The following SPAG1 variants were observed in gnomAD, a reference collection of about 807,000 sequenced individuals.
SPAG1 encodes the protein sperm associated antigen 1, also known as sperm-associated antigen 1.
SPAG1 carries 69 observed loss-of-function variants against 100.5 expected under a neutral mutation model. The ratio of observed to expected loss-of-function variants is 0.69; its 90% confidence interval spans 0.57 to 0.84. The LOEUF is 0.84. Among genes scored for constraint, SPAG1 ranks in the 40% least tolerant of loss-of-function variants. The probability of loss-of-function intolerance (pLI) is 0.00; values close to 1 mark genes in which losing one functional copy is unlikely to be tolerated. For missense variants in SPAG1, 955 were observed against 1,133.1 expected (o/e 0.84, Z 2.26); for synonymous variants, 336 against 411.6 (o/e 0.82, Z 2.22).
In SPAG1 at chr8:100,240,718, C is replaced by T. The variant is rs1290041152; in HGVS notation, c.2596C>T (p.Pro866Ser). 3.1e-6 allele frequency: 5 copies of T among 1,613,172 alleles called. No individual in the cohort carries two copies. The Admixed American group carries it at 8.3e-5, about 27-fold the overall frequency. The change falls in exon 18 of 19, where the codon CCC becomes TCC. Residue 866 changes from proline to serine, a missense_variant. Transcript: ENST00000388798. ...GAAAAATAATCTTATTGAAAAAGATCCCTCATTGGTGTATCAGCATCTTTT... is the reference window on the plus strand; with the variant it reads ...GAAAAATAATCTTATTGAAAAAGATTCCTCATTGGTGTATCAGCATCTTTT... ...SLKNNLIEKD[P>S]SLVYQHLLYL...
chr8:100,186,791 G>A lies in SPAG1; in HGVS notation c.702-329G>A, dbSNP rs1402805311. Among the ~76,000 whole-genome samples the A allele has an allele frequency of 3.3e-5, 5 of 152,138 alleles. No homozygotes were observed. In the East Asian group the frequency reaches 9.6e-4, roughly 29 times the overall value. On this transcript the variant is annotated intron_variant, in intron 7 of 18. Coordinates refer to ENST00000388798, the MANE Select transcript of SPAG1 (RefSeq NM_003114.5). ...TTTTCAAGGCCTCTCTCCTTGGCTT[G>A]TAGGTGGCCGTCTTCTCCCAGTGAC...
At position 100,240,513 on chromosome 8, in the gene SPAG1, A is replaced by G. The variant is rs1586569827; in HGVS notation, c.2391A>G (p.Lys797=). The change falls in exon 18 of 19, where the codon AAA becomes AAG. Residue 797 remains lysine (K), a synonymous_variant. Transcript: ENST00000388798. ...KSSRSPEDPE[K]LPIAKPNNAY... ...GCAGGTCACCAGAAGACCCTGAGAA[A>G]CTTCCGATAGCCAAGCCTAATAATG... The G allele has an allele frequency of 6.2e-7, 1 of 1,614,144 alleles. No individual in the cohort carries two copies. The highest frequency in any genetic ancestry group is 1.1e-5 in the South Asian group (1 of 91,082).
At chr8:100,203,604 T>C (rs1817381747) in intron 10 of SPAG1, among the ~76,000 whole-genome samples, 1 of 152,202 alleles carries the variant, frequency 6.6e-6, no homozygotes, top group African/African-American at 2.4e-5. Context: ...TCATCACTCA[T>C]GAGAGGCAAG....
intron 10 of SPAG1, among the ~76,000 whole-genome samples, chr8:100,212,123 A>T (rs1346101130): frequency 6.6e-6 from 1 of 152,238 alleles, no homozygotes; most frequent in Non-Finnish European, 1.5e-5. Flanking sequence ...TGCTGTATAG[A>T]AAACAGTATT....
At chr8:100,172,182 T>A (rs1815889027) in intron 3 of SPAG1, among the ~76,000 whole-genome samples, 1 of 152,228 alleles carries the variant, frequency 6.6e-6, no homozygotes, top group Non-Finnish European at 1.5e-5. Context: ...TGTTTTTTAT[T>A]TTTTTAAATT....
rs904572682 is a variant in SPAG1 at position 100,177,422 on chromosome 8, CT to C, written c.301-383del. Among the ~76,000 whole-genome samples the C allele has an allele frequency of 7.2e-3, 1,041 of 145,578 alleles. 11 individuals carry two copies. The highest frequency in any genetic ancestry group is 0.023 in the African/African-American group (936 of 40,002). ...ATGATTTAATACTGCATCTTCATGTCTTTTTTTTTTTACATTTCTCTTTACT... is the reference window on the plus strand; with the variant it reads ...ATGATTTAATACTGCATCTTCATGTCTTTTTTTTTTACATTTCTCTTTACT... On this transcript the variant is annotated intron_variant, in intron 3 of 18. Coordinates refer to ENST00000388798, the MANE Select transcript of SPAG1 (RefSeq NM_003114.5).
chr8:100,196,368 G>A lies in SPAG1; in HGVS notation c.1096+2100G>A, dbSNP rs902902739. ...CATATGAGAGTTCTAGATGCTTCTC[G>A]TCCTTGCCAGCATTTGGTATTGATT... On this transcript the variant is annotated intron_variant, in intron 10 of 18. Transcript: ENST00000388798. Among the ~76,000 whole-genome samples the A allele has an allele frequency of 2.6e-5, 4 of 152,072 alleles. No individual in the cohort carries two copies. In the South Asian group the frequency reaches 6.2e-4, roughly 24 times the overall value.
Position 100,241,003 on chromosome 8 carries a change from A to T in SPAG1, c.2762A>T (p.Lys921Ile), listed in dbSNP as rs1229941989. ...HFTLEDIQAL[K>I]RQYEL The stretch of plus-strand genomic sequence containing the variant: ...ACTTTAGAAGATATACAGGCCCTAA[A>T]AAGGCAGTATGAGCTTTAAATCAAG... Residue 921 changes from lysine (K) to isoleucine (I), a missense_variant, in exon 19 of 19, where the codon AAA becomes ATA. Coordinates refer to ENST00000388798, the MANE Select transcript of SPAG1 (RefSeq NM_003114.5). The surrounding 1 kb of genome is among the most constrained non-coding windows in gnomAD (Gnocchi z 5.1). The T allele has an allele frequency of 6.2e-7, 1 of 1,612,846 alleles. No homozygotes were observed. The highest frequency in any genetic ancestry group is 8.5e-7 in the Non-Finnish European group (1 of 1,179,538).
At chr8:100,198,586 T>C (rs1043720683) in intron 10 of SPAG1, among the ~76,000 whole-genome samples, 3 of 152,056 alleles carry the variant, frequency 2.0e-5, no homozygotes, top group East Asian at 1.9e-4. Context: ...ATAGAAAAAA[T>C]AGTACCCTTT....
intron 16 of SPAG1, among the ~76,000 whole-genome samples, chr8:100,236,412 A>G (rs1284041202): frequency 6.6e-6 from 1 of 152,196 alleles, no homozygotes; most frequent in African/African-American, 2.4e-5. Context: ...TCAAAATGCT[A>G]GGATTACAGA....
intron 3 of SPAG1, among the ~76,000 whole-genome samples, chr8:100,174,806 T>G (rs1402006059): frequency 1.3e-5 from 2 of 152,192 alleles, no homozygotes; most frequent in Non-Finnish European, 2.9e-5. Context: ...TGTTAGCACT[T>G]GAATTTCTCC....
At chr8:100,203,193 G>C (rs1817362787) in intron 10 of SPAG1, among the ~76,000 whole-genome samples, 1 of 152,138 alleles carries the variant, frequency 6.6e-6, no homozygotes, top group African/African-American at 2.4e-5. Flanking sequence ...CTCCCGTGCT[G>C]GGTGCTTCCT....
chr8:100,168,283 C>A (rs891277702), intron 3 of SPAG1, among the ~76,000 whole-genome samples: 1 of 152,100 alleles, frequency 6.6e-6, no homozygotes, highest in Non-Finnish European at 1.5e-5. Context: ...TTTTAATTTG[C>A]GTATCTCTAG....
chr8:100,174,311 GA>G (rs376185828), intron 3 of SPAG1, among the ~76,000 whole-genome samples: 63 of 152,292 alleles, frequency 4.1e-4, no homozygotes, highest in African/African-American at 1.5e-3. Context: ...ATAAGGAAGA[GA>G]ATATATATTT....
Position 100,214,988 on chromosome 8 carries a change from CATATATATATATATATATATATATAT to C in SPAG1, c.1535+1107_1535+1132del, listed in dbSNP as rs71274967. Among the ~76,000 whole-genome samples, 238 of 68,856 alleles carry C rather than the reference CATATATATATATATATATATATATAT, an allele frequency of 3.5e-3. 3 individuals carry two copies. The highest frequency in any genetic ancestry group is 5.6e-3 in the Admixed American group (30 of 5,350). 45.2% of individuals were successfully genotyped at this position (68,856 alleles called of 152,430 possible). A position where few individuals can be genotyped will look rare whatever the true frequency, so the allele number is the denominator to read the frequency against. On this transcript the variant is annotated intron_variant, in intron 12 of 18. Coordinates refer to ENST00000388798, the MANE Select transcript of SPAG1 (RefSeq NM_003114.5). ...GACAAGAGACTCTGTAAACTTTACT[CATATATATATATATATATATATATAT>C]ATATATATATATATATATATATATA...
chr8:100,207,602 A>G (rs752480514), intron 10 of SPAG1, among the ~76,000 whole-genome samples: 1 of 152,204 alleles, frequency 6.6e-6, no homozygotes, highest in Non-Finnish European at 1.5e-5. Context: ...CAGATGTGTG[A>G]TTATACACTG....
rs1236630009 is a variant in SPAG1, at chr8:100,218,943, T to A, written c.1536-1336T>A. ...AGAGAAGTTTGCTGAGTGCCTCTCA[T>A]GACCCAGGTGATCTAGGACTGGGAA... On this transcript the variant is annotated intron_variant, in intron 12 of 18. Transcript: ENST00000388798. Among the ~76,000 whole-genome samples the A allele has an allele frequency of 3.3e-5, 5 of 152,224 alleles. No individual in the cohort carries two copies. The East Asian group carries it at 7.7e-4, about 23-fold the overall frequency.
intron 15 of SPAG1, 47 bp from the exon 16 acceptor site, chr8:100,233,364 G>GCC: frequency 6.2e-7 from 1 of 1,605,842 alleles, no homozygotes; most frequent in Non-Finnish European, 8.5e-7. Context: ...CTTACAGATA[G>GCC]CCAATCTTTA....
At position 100,182,525 on chromosome 8, in the gene SPAG1, A is replaced by G. The variant is rs183816445; in HGVS notation, c.427-850A>G. 6.3e-3 allele frequency among the ~76,000 whole-genome samples: 965 copies of G among 152,326 alleles called. 9 individuals carry two copies. The highest frequency in any genetic ancestry group is 0.021 in the African/African-American group (885 of 41,574). On this transcript the variant is annotated intron_variant, in intron 4 of 18. Coordinates refer to ENST00000388798, the MANE Select transcript of SPAG1 (RefSeq NM_003114.5). ...AAAGTGAAATCAGTAGGTAGAGAGG[A>G]GCAGAACCTGGGAGGGGCAGGGAGA...
Sources: allele counts gnomAD v4.1 joint callset (sites outside exome capture counted in the v4.1 genomes callset), GRCh38; gene constraint gnomAD v4.1.1; non-coding constraint Gnocchi (gnomAD v3.1); transcripts MANE v1.5; gene names NCBI Gene and HGNC (gene_info 2026-07-23, HGNC 2026-07-21).